TACC1: variants seen among roughly 807,000 people sequenced by gnomAD.
The protein encoded by TACC1 is transforming acidic coiled-coil containing protein 1.
Under a neutral mutation model 84.4 loss-of-function variants are expected in TACC1, and 48 were observed. That is an observed-to-expected ratio of 0.57 (90% confidence interval 0.45 to 0.72). The LOEUF (loss-of-function observed/expected upper bound fraction) is 0.72, where lower values mean the gene tolerates loss of function less well. TACC1 is among the 30% of genes least tolerant of loss of function. The pLI, the probability that TACC1 is intolerant of heterozygous loss-of-function variation, is 0.00. For missense variants in TACC1, 920 were observed against 973.0 expected (o/e 0.95, Z 0.72); for synonymous variants, 372 against 376.3 (o/e 0.99, Z 0.13).
chr8:38,776,256 C>T (rs1814770106), intron 3 of TACC1, among the ~76,000 whole-genome samples: 1 of 152,172 alleles, frequency 6.6e-6, no homozygotes. Flanking sequence ...AATGCAACTG[C>T]CTAATTTCTA....
intron 3 of TACC1, among the ~76,000 whole-genome samples, chr8:38,779,860 G>A (rs1213617853): frequency 2.6e-5 from 4 of 152,258 alleles, no homozygotes; most frequent in Admixed American, 6.5e-5. Context: ...GATTGTAGGA[G>A]TAAGTGGGGG....
intron 1 of TACC1, among the ~76,000 whole-genome samples, chr8:38,731,827 G>A (rs530173981): frequency 6.6e-6 from 1 of 152,326 alleles, no homozygotes; most frequent in South Asian, 2.1e-4. Flanking sequence ...TGAAGTAAGT[G>A]TAGGCTGGGT....
rs546771777 is a variant in TACC1, at chr8:38,802,895, G to A, written c.277+14076G>A. ...AGCCGTTCATGAGGGATCCACCCCC[G>A]TGACCCAGACACCTCCCACTAGGCC... is the stretch of plus-strand genomic sequence containing the variant. On this transcript the variant is annotated intron_variant, in intron 2 of 12. Coordinates refer to ENST00000317827, the MANE Select transcript of TACC1 (RefSeq NM_006283.3). Among the ~76,000 whole-genome samples the A allele has an allele frequency of 3.3e-5, 5 of 152,236 alleles. No homozygotes were observed. The South Asian group carries it at 6.2e-4, about 19-fold the overall frequency.
intron 2 of TACC1, among the ~76,000 whole-genome samples, chr8:38,805,891 A>G (rs1450295209): frequency 6.6e-6 from 1 of 152,176 alleles, no homozygotes; most frequent in Non-Finnish European, 1.5e-5. Flanking sequence ...TGAGCCTTCC[A>G]AATTTGTGGC....
chr8:38,777,653 G>T (rs1265683735), intron 3 of TACC1, among the ~76,000 whole-genome samples: 1 of 152,178 alleles, frequency 6.6e-6, no homozygotes, highest in African/African-American at 2.4e-5. Context: ...ACATTAGCTG[G>T]ACATGGTGGT....
intron 2 of TACC1, among the ~76,000 whole-genome samples, chr8:38,797,602 T>C (rs1820291514): frequency 6.6e-6 from 1 of 152,254 alleles, no homozygotes; most frequent in African/African-American, 2.4e-5. Flanking sequence ...CCTCTCTTGC[T>C]GAACATTCCT....
At chr8:38,728,761 T>C (rs1165802768) in intron 1 of TACC1, 1 of 152,248 alleles carries the variant, frequency 6.6e-6, no homozygotes, top group Non-Finnish European at 1.5e-5. Context: ...GGCTGAGGTG[T>C]TTCCCTCGCT....
intron 3 of TACC1, among the ~76,000 whole-genome samples, chr8:38,781,720 C>G (rs1012023384): frequency 1.3e-5 from 2 of 152,092 alleles, no homozygotes; most frequent in Non-Finnish European, 1.5e-5. Context: ...ATTCCTTCAG[C>G]CTCTTTAATT....
chr8:38,754,337 C>T (rs1246929345), intron 3 of TACC1, among the ~76,000 whole-genome samples: 1 of 152,164 alleles, frequency 6.6e-6, no homozygotes, highest in Admixed American at 6.6e-5. Flanking sequence ...GGCAGCCCGT[C>T]CTGTCTACCA....
chr8:38,780,631 GT>G (rs111820072), intron 3 of TACC1, among the ~76,000 whole-genome samples: 5 of 143,634 alleles, frequency 3.5e-5, no homozygotes, highest in South Asian at 2.2e-4. Flanking sequence ...GTTTTTTTTT[GT>G]TTTTTTTTTA....
upstream of TACC1, chr8:38,785,623 C>A (rs889423049): frequency 7.8e-5 from 68 of 872,866 alleles, no homozygotes; most frequent in African/African-American, 1.0e-3. Context: ...GGAGGAAGAA[C>A]AGGTCCTAGT....
At chr8:38,794,100 A>G (rs1819400568) in intron 2 of TACC1, among the ~76,000 whole-genome samples, 1 of 152,290 alleles carries the variant, frequency 6.6e-6, no homozygotes, top group Non-Finnish European at 1.5e-5. Flanking sequence ...GCTATTTGTC[A>G]TATTTGCAAA....
At chr8:38,762,221 C>A (rs1169403015) in intron 3 of TACC1, among the ~76,000 whole-genome samples, 1 of 152,108 alleles carries the variant, frequency 6.6e-6, no homozygotes, top group African/African-American at 2.4e-5. Flanking sequence ...CCACCCATTT[C>A]CAGAACTTTT....
chr8:38,759,861 G>A (rs1420136366), intron 3 of TACC1, among the ~76,000 whole-genome samples: 1 of 152,162 alleles, frequency 6.6e-6, no homozygotes, highest in Non-Finnish European at 1.5e-5. Context: ...GTTCTGCCTT[G>A]TTCAGATGTA....
At chr8:38,774,168 G>C (rs752888863) in intron 3 of TACC1, among the ~76,000 whole-genome samples, 2 of 152,146 alleles carry the variant, frequency 1.3e-5, no homozygotes, top group African/African-American at 4.8e-5. Flanking sequence ...GCCTATCCCT[G>C]AGGCTTCAGT....
Position 38,750,675 on chromosome 8 carries a change from G to A in TACC1, c.26+5182G>A, listed in dbSNP as rs567605298. On this transcript the variant is annotated intron_variant, in intron 3 of 14. Transcript: ENST00000518415. The stretch of plus-strand genomic sequence containing the variant: ...AAAATCAATTCTGTCTCACATACTA[G>A]CAACTAACATTTAGAAAGTTAAGTT... Among the ~76,000 whole-genome samples the A allele has an allele frequency of 9.9e-5, 15 of 152,240 alleles. No individual in the cohort carries two copies. In the South Asian group the frequency reaches 3.1e-3, roughly 32 times the overall value.
intron 6 of TACC1, among the ~76,000 whole-genome samples, 165 bp downstream of exon 6, chr8:38,831,342 C>T (rs977397686): frequency 9.9e-5 from 15 of 152,228 alleles, no homozygotes; most frequent in Middle Eastern, 3.4e-3. Flanking sequence ...GCATTGTAAC[C>T]CTAGCCGCAG....
At chr8:38,751,246 G>T (rs1808984174) in intron 3 of TACC1, among the ~76,000 whole-genome samples, 1 of 152,164 alleles carries the variant, frequency 6.6e-6, no homozygotes, top group Non-Finnish European at 1.5e-5. Context: ...AAGACAACTG[G>T]ATTTAAATAT....
chr8:38,805,044 C>A (rs1822350890), intron 2 of TACC1, among the ~76,000 whole-genome samples: 1 of 152,152 alleles, frequency 6.6e-6, no homozygotes, highest in African/African-American at 2.4e-5. Flanking sequence ...GAACATAGAT[C>A]CTATAGTATC....
Sources: allele counts gnomAD v4.1 joint callset (sites outside exome capture counted in the v4.1 genomes callset), GRCh38; gene constraint gnomAD v4.1.1; transcripts MANE v1.5; gene names NCBI Gene and HGNC (gene_info 2026-07-23, HGNC 2026-07-21).